The following VIM variants were observed in gnomAD, a reference collection of about 807,000 sequenced individuals.
VIM encodes the protein vimentin.
Under a neutral mutation model 50.3 loss-of-function variants are expected in VIM, and 18 were observed. The observed-to-expected ratio is 0.36, with a 90% CI of 0.25 to 0.53. VIM has a LOEUF of 0.53. VIM is among the 20% of genes least tolerant of loss of function. The pLI is 0.91. For missense variants in VIM, 551 were observed against 614.7 expected, an observed-to-expected ratio of 0.90 and a Z score of 1.10; for synonymous variants, 245 against 248.5, an observed-to-expected ratio of 0.99 and a Z score of 0.13.
intron 9 of VIM, among the ~76,000 whole-genome samples, chr10:17,236,981 AAC>A (rs1446643370): frequency 6.6e-6 from 1 of 152,174 alleles, no homozygotes; most frequent in Non-Finnish European, 1.5e-5. Context: ...ATCTTTTATA[AAC>A]ACAGTTTTTT....
At chr10:17,230,773 T>G in intron 3 of VIM, 63 bp downstream of exon 3, 1 of 1,601,342 alleles carries the variant, frequency 6.2e-7, no homozygotes, top group Non-Finnish European at 8.6e-7. Context: ...CACGAGCAAT[T>G]CTAAAAGTTG....
chr10:17,230,024 G>C (rs1846757162), intron 2 of VIM, 39 bp downstream of exon 2: 1 of 1,570,332 alleles, frequency 6.4e-7, no homozygotes. Flanking sequence ...GCCTCGGGAG[G>C]GGGCTGGAGG....
At chr10:17,230,748 C>T (rs761887860) in intron 3 of VIM, 38 bp downstream of exon 3, 1 of 1,611,716 alleles carries the variant, frequency 6.2e-7, no homozygotes. Context: ...CCGCCTGACC[C>T]CACCCAACAC....
chr10:17,228,649 C>T (rs1383786729), intron 1 of VIM, 125 bp downstream of exon 1: 3 of 152,598 alleles, frequency 2.0e-5, no homozygotes, highest in Non-Finnish European at 4.4e-5. Context: ...GACAGAACCT[C>T]CCCTCCCCCC....
At chr10:17,231,203 C>A (rs1459106252) in intron 3 of VIM, 1 of 154,188 alleles carries the variant, frequency 6.5e-6, no homozygotes. Flanking sequence ...TTATGCCCTG[C>A]AGTTTAAAAT....
chr10:17,236,821 A>G (rs1173942552), intron 9 of VIM, among the ~76,000 whole-genome samples: 1 of 152,110 alleles, frequency 6.6e-6, no homozygotes, highest in Non-Finnish European at 1.5e-5. Context: ...GTTTCTTATT[A>G]CCTCCCTATG....
rs948654401 is a variant in VIM at position 17,235,114 on chromosome 10, G to C, written c.1009-55G>C. Reference sequence around the variant, plus strand: ...GCAGAAGGTCTGTAAATGGTTCTGGGAACAGCTGGGTTTTTCTGAGAAATA... The same window carrying C: ...GCAGAAGGTCTGTAAATGGTTCTGGCAACAGCTGGGTTTTTCTGAGAAATA... On this transcript the variant is annotated intron_variant, in intron 6 of 9. Coordinates refer to ENST00000544301, the MANE Select transcript of VIM (RefSeq NM_003380.5). 4 of 1,595,744 alleles carry C rather than the reference G, an allele frequency of 2.5e-6. No homozygotes were observed. In the Admixed American group the frequency reaches 5.0e-5, roughly 20 times the overall value.
chr10:17,236,036 A>C, intron 8 of VIM, 147 bp downstream of exon 8: 2 of 862,254 alleles, frequency 2.3e-6, no homozygotes, highest in Non-Finnish European at 3.8e-6. Context: ...GAACCCAAGT[A>C]CACTCTTGCA....
At chr10:17,233,559 T>C (rs780460066) in intron 3 of VIM, 28 bp from the exon 4 acceptor site, 42 of 1,605,524 alleles carry the variant, frequency 2.6e-5, no homozygotes, top group Non-Finnish European at 3.4e-5. Context: ...ACATCCTCCA[T>C]GTCCTGTCTT....
chr10:17,229,150 C>A, intron 1 of VIM, 126 bp from the exon 2 acceptor site: 1 of 151,014 alleles, frequency 6.6e-6, no homozygotes. Context: ...CCCCACCCCA[C>A]CCGCCCACCC....
At position 17,229,627 on chromosome 10, in the gene VIM, C is replaced by A. The variant is rs1435968814; in HGVS notation, c.205C>A (p.Arg69Ser). 1 of 1,587,764 alleles carries A rather than the reference C, an allele frequency of 6.3e-7. No homozygotes were observed. The change falls in exon 2 of 10, where the codon CGC becomes AGC. Residue 69 changes from arginine (R) to serine (S), a missense_variant. Around this residue, in one of 3 missense-constraint regions of VIM, gnomAD observed 134 missense variants for 126.4 expected, o/e 1.06. Coordinates refer to ENST00000544301, the MANE Select transcript of VIM (RefSeq NM_003380.5). ...GVYATRSSAV[R>S]LRSSVPGVRL... ...GTATGCCACGCGCTCCTCTGCCGTG[C>A]GCCTGCGGAGCAGCGTGCCCGGGGT...
chr10:17,235,412 C>G (rs778847025), intron 7 of VIM, 23 bp downstream of exon 7: 10 of 1,611,032 alleles, frequency 6.2e-6, no homozygotes, highest in African/African-American at 1.3e-5. Context: ...GACTTGGATG[C>G]GTGAACTAAT....
In VIM at chr10:17,233,880, A is replaced by G. The variant is rs1225351627; in HGVS notation, c.831A>G (p.Glu277=). The G allele has an allele frequency of 6.2e-7, 1 of 1,614,164 alleles. No individual in the cohort carries two copies. Among genetic ancestry groups the G allele is most frequent in the Non-Finnish European group, 8.5e-7 (1 of 1,180,016 alleles). The change falls in exon 5 of 10, where the codon GAA becomes GAG. Residue 277 remains glutamate, a synonymous_variant. Transcript: ENST00000544301. The part of the protein sequence containing the change: ...AALRDVRQQY[E]SVAAKNLQEA... ...TGCGTGACGTACGTCAGCAATATGA[A>G]AGTGTGGCTGCCAAGAACCTGCAGG... is the stretch of plus-strand genomic sequence containing the variant.
At chr10:17,230,592 G>A in intron 2 of VIM, 58 bp from the exon 3 acceptor site, 4 of 1,598,928 alleles carry the variant, frequency 2.5e-6, no homozygotes, top group Non-Finnish European at 3.4e-6. Context: ...TTTGGGTGTG[G>A]CCGCCCCGCC....
chr10:17,235,033 T>G, intron 6 of VIM, 136 bp from the exon 7 acceptor site: 2 of 1,189,660 alleles, frequency 1.7e-6, no homozygotes, highest in Non-Finnish European at 2.4e-6. Flanking sequence ...GACTTGGTAC[T>G]CGCATTCTCC....
intron 3 of VIM, chr10:17,231,027 C>A (rs1846784253): frequency 2.9e-6 from 1 of 339,884 alleles, no homozygotes; most frequent in South Asian, 2.9e-5. Context: ...GATTTCTAAG[C>A]AGTTCCTTGG....
At position 17,232,014 on chromosome 10, in the gene VIM, T is replaced by C. The variant is rs534023330; in HGVS notation, c.624+1304T>C. Reference sequence around the variant, plus strand: ...GGTTCATTTTAGTCCTTGAGCATTTTTGATTATCATACCTGTCATGTTTTC... The same window carrying C: ...GGTTCATTTTAGTCCTTGAGCATTTCTGATTATCATACCTGTCATGTTTTC... On this transcript the variant is annotated intron_variant, in intron 3 of 9. Transcript: ENST00000544301. 3.3e-5 allele frequency among the ~76,000 whole-genome samples: 5 copies of C among 152,362 alleles called. No individual in the cohort carries two copies. In the South Asian group the frequency reaches 1.0e-3, roughly 32 times the overall value.
intron 3 of VIM, chr10:17,231,129 A>G (rs1261271107): frequency 6.3e-6 from 1 of 158,226 alleles, no homozygotes; most frequent in African/African-American, 2.4e-5. Context: ...GAACGGTTAC[A>G]ATTTTAGATT....
At chr10:17,236,133 C>T (rs1564375108) in intron 8 of VIM, 161 bp from the exon 9 acceptor site, 1 of 753,966 alleles carries the variant, frequency 1.3e-6, no homozygotes, top group Non-Finnish European at 2.3e-6. Context: ...AGTGTCAGGG[C>T]CTGGGTTTCC....
Sources: gnomAD v4.1 joint callset for allele counts (sites outside exome capture counted in the v4.1 genomes callset) on GRCh38, gnomAD v4.1.1 for gene constraint, gnomAD v4.1.1 regional missense constraint, MANE v1.5 for transcripts, NCBI Gene and HGNC (gene_info 2026-07-23, HGNC 2026-07-21) for gene names.